ARHGAP24: variants seen among roughly 807,000 people sequenced by gnomAD.
ARHGAP24 encodes the protein rho GTPase-activating protein 24.
In ARHGAP24, 50 loss-of-function variants were observed where a neutral mutation model predicts 76.4. The observed-to-expected ratio is 0.65, with a 90% confidence interval of 0.52 to 0.83. ARHGAP24 has a LOEUF of 0.83. Among genes scored for constraint, ARHGAP24 ranks in the 40% least tolerant of loss-of-function variants. ARHGAP24 has a pLI of 0.00. For missense variants in ARHGAP24, 930 were observed against 914.2 expected (o/e 1.02, Z -0.22); for synonymous variants, 345 against 323.3 (o/e 1.07, Z -0.72).
chr4:85,539,816 A>T (rs1725607608), intron 1 of ARHGAP24, among the ~76,000 whole-genome samples: 1 of 152,154 alleles, frequency 6.6e-6, no homozygotes, highest in South Asian at 2.1e-4. Flanking sequence ...TCACTTTGGG[A>T]GGCTGAGGTG....
chr4:85,643,802 C>T (rs1163130986), intron 2 of ARHGAP24, among the ~76,000 whole-genome samples: 1 of 152,064 alleles, frequency 6.6e-6, no homozygotes, highest in East Asian at 1.9e-4. Context: ...GTGAATGAAT[C>T]AATCAGTGAG....
At chr4:85,703,319 AG>A (rs1724170341) in intron 2 of ARHGAP24, among the ~76,000 whole-genome samples, 1 of 152,164 alleles carries the variant, frequency 6.6e-6, no homozygotes, top group Non-Finnish European at 1.5e-5. Flanking sequence ...GTAGATGTTC[AG>A]GGTAGATGAG....
intron 2 of ARHGAP24, among the ~76,000 whole-genome samples, chr4:85,665,218 T>G (rs1387155791): frequency 6.6e-6 from 1 of 152,188 alleles, no homozygotes; most frequent in African/African-American, 2.4e-5. Flanking sequence ...TGCATATATA[T>G]TTAGGATAGT....
chr4:85,841,528 A>G (rs1299209067), intron 3 of ARHGAP24, among the ~76,000 whole-genome samples: 1 of 152,248 alleles, frequency 6.6e-6, no homozygotes, highest in Admixed American at 6.5e-5. Flanking sequence ...CAATATGTGT[A>G]TTAGAGATTA....
chr4:85,805,022 C>T (rs10516761), intron 3 of ARHGAP24, among the ~76,000 whole-genome samples: 40,491 of 151,932 alleles, frequency 0.27, 6,959 homozygotes, highest in Non-Finnish European at 0.39. Flanking sequence ...CAGATACATG[C>T]GGACAAAACA....
At chr4:85,762,541 G>A (rs970265860) in intron 3 of ARHGAP24, among the ~76,000 whole-genome samples, 4 of 152,158 alleles carry the variant, frequency 2.6e-5, no homozygotes, top group Non-Finnish European at 5.9e-5. Context: ...TTAGCAATTT[G>A]TGTATTTTAG....
At chr4:85,539,788 T>A (rs1578018762) in intron 1 of ARHGAP24, among the ~76,000 whole-genome samples, 2 of 152,270 alleles carry the variant, frequency 1.3e-5, no homozygotes, top group East Asian at 3.9e-4. Context: ...TGGAAAATAA[T>A]GACTTTTAAA....
At chr4:85,547,765 C>T (rs1428642314) in intron 1 of ARHGAP24, among the ~76,000 whole-genome samples, 1 of 152,088 alleles carries the variant, frequency 6.6e-6, no homozygotes, top group East Asian at 1.9e-4. Context: ...ACTGTGTCTG[C>T]CAGGTTTCTC....
chr4:85,588,111 C>T (rs544956235), intron 2 of ARHGAP24, among the ~76,000 whole-genome samples: 1 of 152,304 alleles, frequency 6.6e-6, no homozygotes, highest in Admixed American at 6.5e-5. Flanking sequence ...CTGGTAACCT[C>T]ATCACCAAGG....
chr4:85,628,831 C>T (rs1721063589), intron 2 of ARHGAP24, among the ~76,000 whole-genome samples: 1 of 152,162 alleles, frequency 6.6e-6, no homozygotes, highest in Non-Finnish European at 1.5e-5. Context: ...AATACATTTG[C>T]ATGAAATATC....
At chr4:85,964,609 G>T (rs1738464058) in intron 5 of ARHGAP24, among the ~76,000 whole-genome samples, 1 of 151,970 alleles carries the variant, frequency 6.6e-6, no homozygotes, top group African/African-American at 2.4e-5. Context: ...AGGCAAGTAA[G>T]GTGTCAAAGA....
chr4:85,645,849 A>G (rs1394786540), intron 2 of ARHGAP24, among the ~76,000 whole-genome samples: 1 of 152,126 alleles, frequency 6.6e-6, no homozygotes, highest in African/African-American at 2.4e-5. Context: ...GCCTAATTCT[A>G]TGGTGATTTC....
intron 5 of ARHGAP24, among the ~76,000 whole-genome samples, chr4:85,966,688 G>A (rs1424469333): frequency 6.6e-6 from 1 of 152,118 alleles, no homozygotes; most frequent in Non-Finnish European, 1.5e-5. Flanking sequence ...CCATTTCGTG[G>A]TAGCATTGGT....
At chr4:85,997,998 G>A (rs934293995) in intron 9 of ARHGAP24, among the ~76,000 whole-genome samples, 1 of 152,156 alleles carries the variant, frequency 6.6e-6, no homozygotes, top group Non-Finnish European at 1.5e-5. Context: ...ATTGTGGTCA[G>A]AGAAGTTCAT....
chr4:85,629,469 A>G (rs1721088143), intron 2 of ARHGAP24, among the ~76,000 whole-genome samples: 1 of 152,060 alleles, frequency 6.6e-6, no homozygotes, highest in Non-Finnish European at 1.5e-5. Context: ...ATGTTTTCAC[A>G]TTGTTTGTTA....
chr4:85,685,543 G>A (rs1487265153), intron 2 of ARHGAP24, among the ~76,000 whole-genome samples: 1 of 151,842 alleles, frequency 6.6e-6, no homozygotes. Flanking sequence ...TGAGGCAGGA[G>A]AATGGCGTGA....
chr4:85,766,081 A>G (rs1413614159), intron 3 of ARHGAP24, among the ~76,000 whole-genome samples: 1 of 152,162 alleles, frequency 6.6e-6, no homozygotes, highest in East Asian at 1.9e-4. Flanking sequence ...AGCCTAAGGT[A>G]ATATCAACAA....
chr4:85,814,630 C>T (rs1252414504), intron 3 of ARHGAP24, among the ~76,000 whole-genome samples: 2 of 152,204 alleles, frequency 1.3e-5, no homozygotes, highest in Non-Finnish European at 2.9e-5. Flanking sequence ...AGCTCCACCC[C>T]TATGGCTTTT....
chr4:85,978,940 A>G (rs2148857658), intron 8 of ARHGAP24, among the ~76,000 whole-genome samples: 1 of 152,234 alleles, frequency 6.6e-6, no homozygotes, highest in South Asian at 2.1e-4. Flanking sequence ...TAAGTTTCCT[A>G]TTCCTTTACT....
Sources: allele counts gnomAD v4.1 joint callset (sites outside exome capture counted in the v4.1 genomes callset), GRCh38; gene constraint gnomAD v4.1.1; transcripts MANE v1.5; gene names NCBI Gene and HGNC (gene_info 2026-07-23, HGNC 2026-07-21).